The following UNC13C variants were observed in gnomAD, a reference collection of about 807,000 sequenced individuals.
UNC13C encodes the protein protein unc-13 homolog C.
UNC13C carries 174 observed loss-of-function variants against 245.4 expected under a neutral mutation model. That is an observed-to-expected ratio of 0.71 (90% CI 0.63 to 0.80). UNC13C has a LOEUF of 0.80. Ranked by LOEUF, UNC13C falls within the 30% of genes least tolerant of loss-of-function variation. The pLI is 0.00. For synonymous variants in UNC13C, 992 were observed against 895.1 expected (o/e 1.11, Z -1.93); for missense variants, 2,829 against 2,602.9 (o/e 1.09, Z -1.89).
At chr15:54,069,356 G>C (rs1463300061) in intron 2 of UNC13C, among the ~76,000 whole-genome samples, 4 of 152,128 alleles carry the variant, frequency 2.6e-5, no homozygotes, top group Admixed American at 2.6e-4. Context: ...TTGTATCACA[G>C]TGACTGGAGT....
At chr15:54,050,373 CT>C in intron 2 of UNC13C, 1 of 559,534 alleles carries the variant, frequency 1.8e-6, no homozygotes, top group Non-Finnish European at 3.6e-6. Context: ...GGCACTCCTC[CT>C]TTTTCTGTAC....
At chr15:54,233,995 A>G (rs1469502038) in intron 4 of UNC13C, among the ~76,000 whole-genome samples, 1 of 152,202 alleles carries the variant, frequency 6.6e-6, no homozygotes, top group Admixed American at 6.5e-5. Context: ...GTCAAATTCA[A>G]TGTATCAAAC....
At chr15:54,080,713 T>G (rs1465175563) in intron 2 of UNC13C, among the ~76,000 whole-genome samples, 3 of 152,112 alleles carry the variant, frequency 2.0e-5, no homozygotes, top group African/African-American at 7.2e-5. Context: ...TCTCTCTTTT[T>G]CTTGGTTAAT....
At chr15:53,990,581 C>T (rs1894340931) in intron 1 of UNC13C, among the ~76,000 whole-genome samples, 1 of 152,010 alleles carries the variant, frequency 6.6e-6, no homozygotes, top group Admixed American at 6.6e-5. Context: ...TCTTTCCTAT[C>T]TCAAACCCCC....
intron 4 of UNC13C, among the ~76,000 whole-genome samples, chr15:54,156,586 C>G (rs555867276): frequency 1.3e-5 from 2 of 152,066 alleles, no homozygotes; most frequent in African/African-American, 4.8e-5. Flanking sequence ...GTGGGAGGCA[C>G]AAAGCTGTAG....
intron 29 of UNC13C, among the ~76,000 whole-genome samples, chr15:54,563,284 T>C (rs1488554583): frequency 3.3e-5 from 5 of 151,996 alleles, no homozygotes; most frequent in Non-Finnish European, 7.4e-5. Context: ...TTTAAGTCCA[T>C]AGCAAAAATA....
chr15:54,407,270 A>G (rs550450035), intron 18 of UNC13C, among the ~76,000 whole-genome samples: 22 of 152,152 alleles, frequency 1.4e-4, no homozygotes, highest in Non-Finnish European at 2.6e-4. Flanking sequence ...GAAGGTAACG[A>G]CTTGAATTAG....
At chr15:54,596,306 T>C (rs1899080368) in intron 30 of UNC13C, among the ~76,000 whole-genome samples, 1 of 152,228 alleles carries the variant, frequency 6.6e-6, no homozygotes. Flanking sequence ...ATGCCAAACA[T>C]GCCTCCCTGT....
chr15:53,971,637 T>C, the UNC13C span, among the ~76,000 whole-genome samples: 1 of 152,138 alleles, frequency 6.6e-6, no homozygotes, highest in Non-Finnish European at 1.5e-5. Context: ...TATTTTAGAG[T>C]AGAAGATCTT....
chr15:54,172,736 A>C (rs1298817600), intron 4 of UNC13C, among the ~76,000 whole-genome samples: 8 of 91,554 alleles, frequency 8.7e-5, no homozygotes, highest in East Asian at 8.6e-4. Flanking sequence ...ATATATATAT[A>C]TATATATATA....
chr15:53,886,253 G>A, the UNC13C span, among the ~76,000 whole-genome samples: 1 of 152,148 alleles, frequency 6.6e-6, no homozygotes. Context: ...TGGGAGAAAT[G>A]ACTGCTTCTA....
intron 5 of UNC13C, 115 bp from the exon 6 acceptor site, chr15:54,236,315 C>A: frequency 1.3e-6 from 1 of 779,248 alleles, no homozygotes; most frequent in South Asian, 1.8e-5. Flanking sequence ...TCTGTCTTCA[C>A]TATGTGGAAA....
chr15:54,355,393 A>G (rs2039071308), intron 17 of UNC13C, among the ~76,000 whole-genome samples: 1 of 151,772 alleles, frequency 6.6e-6, no homozygotes, highest in Non-Finnish European at 1.5e-5. Flanking sequence ...GTCTCACTTT[A>G]TCACCCAGGG....
chr15:54,076,915 C>A (rs550664266), intron 2 of UNC13C, among the ~76,000 whole-genome samples: 1 of 152,188 alleles, frequency 6.6e-6, no homozygotes, highest in South Asian at 2.1e-4. Flanking sequence ...TATAAAAATC[C>A]TCTTTGTAAT....
the UNC13C span, among the ~76,000 whole-genome samples, chr15:53,874,883 C>G: frequency 6.6e-6 from 1 of 152,146 alleles, no homozygotes; most frequent in African/African-American, 2.4e-5. Flanking sequence ...ATCATGAGGT[C>G]AGGAGTTCGA....
At chr15:54,529,705 C>T (rs1476628119) in intron 25 of UNC13C, among the ~76,000 whole-genome samples, 6 of 152,164 alleles carry the variant, frequency 3.9e-5, no homozygotes, top group Non-Finnish European at 8.8e-5. Context: ...CAAATACTAA[C>T]TGTATCATCA....
chr15:53,993,614 A>T (rs1894486063), intron 1 of UNC13C, among the ~76,000 whole-genome samples: 1 of 152,106 alleles, frequency 6.6e-6, no homozygotes, highest in Admixed American at 6.6e-5. Context: ...ATATTCAGAA[A>T]GTGTATGCAC....
chr15:54,051,801 T>A (rs1168053127), intron 2 of UNC13C, among the ~76,000 whole-genome samples: 1 of 151,234 alleles, frequency 6.6e-6, no homozygotes, highest in Non-Finnish European at 1.5e-5. Context: ...TGGGTACATG[T>A]GCACATTGTG....
chr15:54,513,545 T>A (rs1365544268), intron 24 of UNC13C, among the ~76,000 whole-genome samples: 1 of 152,168 alleles, frequency 6.6e-6, no homozygotes, highest in Non-Finnish European at 1.5e-5. Context: ...CAGATAGAAT[T>A]GCTGGTTTGA....
Sources: allele counts gnomAD v4.1 joint callset (sites outside exome capture counted in the v4.1 genomes callset), GRCh38; gene constraint gnomAD v4.1.1; transcripts MANE v1.5; gene names NCBI Gene and HGNC (gene_info 2026-07-23, HGNC 2026-07-21).